LRIG1: variants seen among roughly 807,000 people sequenced by gnomAD.
LRIG1 encodes leucine-rich repeats and immunoglobulin-like domains protein 1.
In LRIG1, 48 loss-of-function variants were observed where a neutral mutation model predicts 99.2. That is an observed-to-expected ratio of 0.48 (90% CI 0.38 to 0.62). LRIG1 has a LOEUF of 0.62. Ranked by LOEUF, LRIG1 falls within the 20% of genes least tolerant of loss-of-function variation. The pLI is 0.00. For missense variants in LRIG1, 1,646 were observed against 1,434.4 expected, an observed-to-expected ratio of 1.15 and a Z score of -2.38; for synonymous variants, 772 against 596.1, an observed-to-expected ratio of 1.29 and a Z score of -4.30.
chr3:66,465,123 G>A (rs930616350), intron 1 of LRIG1, among the ~76,000 whole-genome samples: 4 of 152,156 alleles, frequency 2.6e-5, no homozygotes, highest in Non-Finnish European at 5.9e-5. Context: ...TGGCAAAAAA[G>A]AAGACAGCCA....
chr3:66,393,519 G>C lies in LRIG1; in HGVS notation c.1468+521C>G, dbSNP rs147532371. Among the ~76,000 whole-genome samples the C allele has an allele frequency of 3.3e-3, 498 of 152,340 alleles. 2 individuals carry two copies. The highest frequency in any genetic ancestry group is 0.021 in the East Asian group (108 of 5,190). ...AAAGATGGCAAGAGCTACGCTCCAG[G>C]AATCAGAAGGCAAAAAGAATGTAAA... On this transcript the variant is annotated intron_variant, in intron 12 of 18. Transcript: ENST00000273261.
At chr3:66,426,458 T>C (rs1702983650) in intron 3 of LRIG1, among the ~76,000 whole-genome samples, 1 of 152,160 alleles carries the variant, frequency 6.6e-6, no homozygotes, top group South Asian at 2.1e-4. Context: ...TGTCATGCAA[T>C]TTTGGAACCA....
intron 11 of LRIG1, among the ~76,000 whole-genome samples, chr3:66,394,716 G>C (rs564844172): frequency 2.6e-5 from 4 of 152,076 alleles, no homozygotes; most frequent in Admixed American, 1.3e-4. Context: ...AACAAGTTCC[G>C]AGGAGGGCTC....
chr3:66,382,421 G>T (rs9868503), intron 15 of LRIG1, 23 bp from the exon 16 acceptor site: 1 of 1,613,896 alleles, frequency 6.2e-7, no homozygotes. Context: ...AGAACAAATA[G>T]AACACCAGGG....
chr3:66,498,076 T>C (rs1267407805), intron 1 of LRIG1: 1 of 152,166 alleles, frequency 6.6e-6, no homozygotes, highest in African/African-American at 2.4e-5. Flanking sequence ...TAATCAGAAA[T>C]AAGAAAACTT....
chr3:66,387,283 ACATG>A (rs1701422898), intron 12 of LRIG1: 1 of 152,094 alleles, frequency 6.6e-6, no homozygotes, highest in African/African-American at 2.4e-5. Flanking sequence ...CTAGACAGCC[ACATG>A]CAGGTGCAAG....
chr3:66,474,291 T>C (rs1258362492), intron 1 of LRIG1, among the ~76,000 whole-genome samples: 1 of 152,018 alleles, frequency 6.6e-6, no homozygotes, highest in Non-Finnish European at 1.5e-5. Context: ...TTTTAAATCA[T>C]TCGCCAAAGT....
intron 12 of LRIG1, chr3:66,387,119 A>G (rs1425737698): frequency 6.7e-6 from 1 of 150,104 alleles, no homozygotes; most frequent in Non-Finnish European, 1.5e-5. Flanking sequence ...GCACATGACT[A>G]CAACAATCAG....
rs376364995 is a variant in LRIG1 at position 66,381,769 on chromosome 3, C to A, written c.2618-138G>T. ...CAGAGCGGTGGGGCTGCTGGTCTGG[C>A]AAGCAGCGTGTTTTCTGCTACTACT... On this transcript the variant is annotated intron_variant, in intron 16 of 18. Transcript: ENST00000273261. 6 of 933,064 alleles carry A rather than the reference C, an allele frequency of 6.4e-6. No individual in the cohort carries two copies. The East Asian group carries it at 1.3e-4, about 20-fold the overall frequency. 57.8% of individuals were successfully genotyped at this position (933,064 alleles called of 1,614,324 possible).
chr3:66,384,047 C>G lies in LRIG1; in HGVS notation c.2015G>C (p.Cys672Ser). 1 of 1,614,026 alleles carries G rather than the reference C, an allele frequency of 6.2e-7. No homozygotes were observed. The change falls in exon 14 of 19, where the codon TGT (cysteine) becomes TCT (serine). Residue 672 changes from cysteine to serine, a missense_variant. Coordinates refer to ENST00000273261, the MANE Select transcript of LRIG1 (RefSeq NM_015541.3). ...VKIDDAGVYS[C>S]TAQNSAGSIS... Reference sequence around the variant, plus strand: ...AGAACCGGCTGAGTTCTGAGCAGTACAGCTGTAAACCCCTGCGTCATCTAT... The same window carrying G: ...AGAACCGGCTGAGTTCTGAGCAGTAGAGCTGTAAACCCCTGCGTCATCTAT...
chr3:66,412,015 T>C (rs1402192747), intron 6 of LRIG1, among the ~76,000 whole-genome samples: 1 of 152,248 alleles, frequency 6.6e-6, no homozygotes, highest in African/African-American at 2.4e-5. Flanking sequence ...ACAGTCAAAT[T>C]ACTTTTGATT....
intron 3 of LRIG1, among the ~76,000 whole-genome samples, chr3:66,448,729 C>T (rs956277678): frequency 6.6e-6 from 1 of 152,190 alleles, no homozygotes; most frequent in African/African-American, 2.4e-5. Flanking sequence ...CCTCAGCAGA[C>T]ATTTGCTCTA....
At chr3:66,493,823 A>C (rs1030115141) in intron 1 of LRIG1, among the ~76,000 whole-genome samples, 2 of 149,896 alleles carry the variant, frequency 1.3e-5, no homozygotes, top group African/African-American at 4.9e-5. Flanking sequence ...AAGAAAGGAA[A>C]GAAAGAAAAA....
intron 9 of LRIG1, among the ~76,000 whole-genome samples, chr3:66,399,760 G>A (rs1411989722): frequency 3.9e-5 from 6 of 152,174 alleles, no homozygotes; most frequent in Admixed American, 6.5e-5. Flanking sequence ...ATAGCGGGAT[G>A]TTGTCTCAAA....
At chr3:66,501,037 G>C (rs1023303282), upstream of LRIG1, 3 of 152,336 alleles carry the variant, frequency 2.0e-5, no homozygotes, top group Non-Finnish European at 4.4e-5. Context: ...GCCTCCCCGC[G>C]GCCCAGCCCC....
chr3:66,412,725 C>T (rs1702509024), intron 6 of LRIG1, 146 bp downstream of exon 6: 3 of 908,858 alleles, frequency 3.3e-6, no homozygotes, highest in Admixed American at 4.2e-5. Context: ...CCCCACACCA[C>T]ACAGCAATGC....
In LRIG1 at chr3:66,383,009, T is replaced by G; in HGVS notation, c.2464A>C (p.Ser822Arg). Residue 822 changes from serine to arginine, a missense_variant, in exon 15 of 19, where the codon AGT (serine) becomes CGT (arginine). By Grantham distance (110) the Ser-to-Arg change is moderately radical. Coordinates refer to ENST00000273261, the MANE Select transcript of LRIG1 (RefSeq NM_015541.3). Reference sequence around the variant, plus strand: ...GTGTTGGTGACACTGTACTCTTCACTCTTCTTCCTGGTCTGGTAGATGATG... The same window carrying G: ...GTGTTGGTGACACTGTACTCTTCACGCTTCTTCCTGGTCTGGTAGATGATG... Reference protein sequence around the residue: ...VCIIYQTRKKSEEYSVTNTDE... With the variant: ...VCIIYQTRKKREEYSVTNTDE... 6.2e-7 allele frequency: 1 copy of G among 1,613,810 alleles called. No homozygotes were observed. The highest frequency in any genetic ancestry group is 8.5e-7 in the Non-Finnish European group (1 of 1,179,830).
rs748919471 is a variant in LRIG1, at chr3:66,386,297, G to T, written c.1473C>A (p.Asp491Glu). The change falls in exon 13 of 19, where the codon GAC becomes GAA. Residue 491 changes from aspartate to glutamate, a missense_variant. Transcript: ENST00000273261. ...GGGTGATGATCTGTGGCTTCAGGAA[G>T]TCATCTGGGGAGAGAAGGGTCAACT... ...SVPPESFVCD[D>E]FLKPQIITQP... 6.2e-7 allele frequency: 1 copy of T among 1,613,474 alleles called. No individual in the cohort carries two copies.
chr3:66,383,275 A>G lies in LRIG1; in HGVS notation c.2198T>C (p.Leu733Pro), dbSNP rs758823608. The G allele has an allele frequency of 6.2e-7, 1 of 1,613,926 alleles. No individual in the cohort carries two copies. The highest frequency in any genetic ancestry group is 1.1e-5 in the South Asian group (1 of 91,076). Residue 733 changes from leucine to proline, a missense_variant, in exon 15 of 19, where the codon CTG (leucine) becomes CCG (proline). Leu to Pro is a moderately conservative substitution (Grantham distance 98). Transcript: ENST00000273261. ...CAAGTGGTGCCGCTCAGTGAGGCTCAGCGGGCGGTCCCCCTTGAACCAGGT... is the reference window on the plus strand; with the variant it reads ...CAAGTGGTGCCGCTCAGTGAGGCTCGGCGGGCGGTCCCCCTTGAACCAGGT... ...RITWFKGDRPLSLTERHHLTP... is the reference protein window; with the variant it reads ...RITWFKGDRPPSLTERHHLTP...
Sources: gnomAD v4.1 joint callset for allele counts (sites outside exome capture counted in the v4.1 genomes callset) on GRCh38, gnomAD v4.1.1 for gene constraint, MANE v1.5 for transcripts, NCBI Gene and HGNC (gene_info 2026-07-23, HGNC 2026-07-21) for gene names.